The following ARHGEF26 variants were observed in gnomAD, a reference collection of about 807,000 sequenced individuals.
ARHGEF26 encodes Rho guanine nucleotide exchange factor 26.
A neutral mutation model predicts 89.4 loss-of-function variants in ARHGEF26; 59 were observed. That is an observed-to-expected ratio of 0.66 (90% CI 0.54 to 0.82). The LOEUF is 0.82. Ranked by LOEUF, ARHGEF26 falls within the 40% of genes least tolerant of loss-of-function variation. ARHGEF26 has a pLI of 0.00. For synonymous variants in ARHGEF26, 500 were observed against 428.4 expected (o/e 1.17, Z -2.06); for missense variants, 1,234 against 1,085.6 (o/e 1.14, Z -1.92).
At chr3:154,151,596 T>C (rs1448869832) in intron 5 of ARHGEF26, among the ~76,000 whole-genome samples, 5 of 152,188 alleles carry the variant, frequency 3.3e-5, no homozygotes, top group Non-Finnish European at 7.4e-5. Flanking sequence ...ACATTCTTAC[T>C]CTTTACTCTT....
chr3:154,142,967 A>C (rs954262995), intron 4 of ARHGEF26, among the ~76,000 whole-genome samples: 2 of 152,116 alleles, frequency 1.3e-5, no homozygotes, highest in Non-Finnish European at 2.9e-5. Context: ...TTTTATCTAC[A>C]GGTGGTCATC....
intron 4 of ARHGEF26, among the ~76,000 whole-genome samples, chr3:154,147,137 G>C (rs572211307): frequency 1.3e-5 from 2 of 152,320 alleles, no homozygotes; most frequent in Non-Finnish European, 2.9e-5. Flanking sequence ...GGACATGGTG[G>C]CTCACGTCTG....
At chr3:154,213,241 G>GTGTGTA (rs1553747909) in intron 9 of ARHGEF26, among the ~76,000 whole-genome samples, 1 of 145,560 alleles carries the variant, frequency 6.9e-6, no homozygotes, top group African/African-American at 2.5e-5. Context: ...GTGTGTGTGT[G>GTGTGTA]TATATATATA....
intron 6 of ARHGEF26, among the ~76,000 whole-genome samples, chr3:154,169,601 A>G (rs559275118): frequency 3.3e-4 from 51 of 152,254 alleles, no homozygotes; most frequent in African/African-American, 1.2e-3. Flanking sequence ...TTACAGAGAA[A>G]ATGTGTGTTT....
chr3:154,194,829 G>C, intron 9 of ARHGEF26, 111 bp downstream of exon 9: 1 of 873,356 alleles, frequency 1.1e-6, no homozygotes, highest in Non-Finnish European at 1.8e-6. Flanking sequence ...ACAGCCATTT[G>C]TACAGCGTTC....
chr3:154,234,085 G>A (rs1400635703), intron 11 of ARHGEF26, among the ~76,000 whole-genome samples: 3 of 152,188 alleles, frequency 2.0e-5, no homozygotes, highest in Non-Finnish European at 4.4e-5. Context: ...AGAACTGGAA[G>A]TGCTGCTTGG....
rs1387216760 is a variant in ARHGEF26 at position 154,256,579 on chromosome 3, TC to T, written c.*1109del. The T allele has an allele frequency of 1.7e-6, 1 of 588,994 alleles. No individual in the cohort carries two copies. The highest frequency in any genetic ancestry group is 2.3e-5 in the African/African-American group (1 of 43,826). The allele number at this position is 588,994 out of a possible 1,614,324, so 36.5% of individuals were successfully genotyped here. Reference sequence around the variant, plus strand: ...AAAAAAAAAAAAAAAAAAAAAACCTTCCCAAATGAGCTGATAAAAAACTGAC... The same window carrying T: ...AAAAAAAAAAAAAAAAAAAAAACCTTCCAAATGAGCTGATAAAAAACTGAC... On this transcript the variant is annotated 3_prime_UTR_variant, in exon 15 of 15. Coordinates refer to ENST00000465093, the MANE Select transcript of ARHGEF26 (RefSeq NM_015595.4).
intron 6 of ARHGEF26, among the ~76,000 whole-genome samples, chr3:154,181,562 A>T (rs1713185880): frequency 6.6e-6 from 1 of 152,176 alleles, no homozygotes; most frequent in African/African-American, 2.4e-5. Context: ...GTGTTTCCAG[A>T]GCTAGAGTGC....
At chr3:154,224,522 A>G (rs935648958) in intron 10 of ARHGEF26, among the ~76,000 whole-genome samples, 3 of 152,232 alleles carry the variant, frequency 2.0e-5, no homozygotes, top group Non-Finnish European at 2.9e-5. Flanking sequence ...GTAGGGTTAT[A>G]CGCAATAGCA....
chr3:154,124,024 G>C (rs1055729850), intron 2 of ARHGEF26, among the ~76,000 whole-genome samples: 1 of 152,090 alleles, frequency 6.6e-6, no homozygotes, highest in Non-Finnish European at 1.5e-5. Context: ...TTTTATTTTA[G>C]AGCCCGTGGT....
chr3:154,146,245 A>G (rs756542658), intron 4 of ARHGEF26, among the ~76,000 whole-genome samples: 7 of 152,198 alleles, frequency 4.6e-5, no homozygotes, highest in Admixed American at 2.0e-4. Flanking sequence ...TCTGGGGCCT[A>G]TTTTAAAGGG....
At chr3:154,184,842 C>A (rs1426415008) in intron 6 of ARHGEF26, among the ~76,000 whole-genome samples, 1 of 152,212 alleles carries the variant, frequency 6.6e-6, no homozygotes, top group Non-Finnish European at 1.5e-5. Context: ...TAATTGTAAA[C>A]TTCCCAGCAT....
chr3:154,240,782 A>AT (rs1221202540), intron 12 of ARHGEF26, among the ~76,000 whole-genome samples: 2 of 152,062 alleles, frequency 1.3e-5, no homozygotes, highest in African/African-American at 2.4e-5. Context: ...GGATGTTGTT[A>AT]TTTTTTCCCT....
At chr3:154,226,085 A>G in intron 11 of ARHGEF26, 75 bp downstream of exon 11, 1 of 1,268,640 alleles carries the variant, frequency 7.9e-7, no homozygotes, top group Non-Finnish European at 1.1e-6. Context: ...TGTTAGGGTG[A>G]TCATCCTTTA....
intron 11 of ARHGEF26, among the ~76,000 whole-genome samples, chr3:154,239,601 G>C (rs1055533656): frequency 3.3e-5 from 5 of 152,072 alleles, no homozygotes; most frequent in Non-Finnish European, 7.4e-5. Flanking sequence ...AGAATGTGAA[G>C]GGAGGGTTCA....
At chr3:154,147,021 G>T (rs570329920) in intron 4 of ARHGEF26, among the ~76,000 whole-genome samples, 1 of 152,304 alleles carries the variant, frequency 6.6e-6, no homozygotes, top group East Asian at 1.9e-4. Context: ...AAATGAGGTT[G>T]CTTTGGCTGT....
At chr3:154,138,711 G>C (rs1419180169) in intron 4 of ARHGEF26, among the ~76,000 whole-genome samples, 1 of 152,178 alleles carries the variant, frequency 6.6e-6, no homozygotes, top group African/African-American at 2.4e-5. Flanking sequence ...CTACAACAGG[G>C]TCCAGACAGA....
At chr3:154,219,791 G>A (rs1716005683) in intron 10 of ARHGEF26, among the ~76,000 whole-genome samples, 1 of 151,942 alleles carries the variant, frequency 6.6e-6, no homozygotes, top group Non-Finnish European at 1.5e-5. Flanking sequence ...GCGGGCACCT[G>A]TAGTCCCAGC....
intron 9 of ARHGEF26, among the ~76,000 whole-genome samples, chr3:154,213,128 T>G (rs1488607370): frequency 6.6e-6 from 1 of 152,140 alleles, no homozygotes. Context: ...GGATCAGATA[T>G]TCTATTAATC....
Sources: allele counts gnomAD v4.1 joint callset (sites outside exome capture counted in the v4.1 genomes callset), GRCh38; gene constraint gnomAD v4.1.1; transcripts MANE v1.5; gene names NCBI Gene and HGNC (gene_info 2026-07-23, HGNC 2026-07-21).